The following UNC13C variants were observed in gnomAD, a reference collection of about 807,000 sequenced individuals.
UNC13C encodes protein unc-13 homolog C.
In UNC13C, 174 loss-of-function variants were observed where a neutral mutation model predicts 245.4. The ratio of observed to expected loss-of-function variants is 0.71; its 90% CI spans 0.63 to 0.80. The LOEUF (loss-of-function observed/expected upper bound fraction) is 0.80, where lower values mean the gene tolerates loss of function less well. Ranked by LOEUF, UNC13C falls within the 30% of genes least tolerant of loss-of-function variation. The pLI, the probability that UNC13C is intolerant of heterozygous loss-of-function variation, is 0.00. For missense variants in UNC13C, 2,829 were observed against 2,602.9 expected (o/e 1.09, Z -1.89); for synonymous variants, 992 against 895.1 (o/e 1.11, Z -1.93).
At chr15:53,939,708 A>G in the UNC13C span, among the ~76,000 whole-genome samples, 1 of 152,226 alleles carries the variant, frequency 6.6e-6, no homozygotes, top group African/African-American at 2.4e-5. Context: ...TAGATAATTC[A>G]TCACATAAAC....
chr15:54,018,451 A>T (rs1456188024), intron 2 of UNC13C, among the ~76,000 whole-genome samples: 1 of 152,162 alleles, frequency 6.6e-6, no homozygotes, highest in East Asian at 1.9e-4. Flanking sequence ...GGACCAGAAA[A>T]CTCCAATGTT....
chr15:54,070,134 A>G (rs1186579544), intron 2 of UNC13C, among the ~76,000 whole-genome samples: 1 of 152,236 alleles, frequency 6.6e-6, no homozygotes, highest in African/African-American at 2.4e-5. Flanking sequence ...TCCCACCGGC[A>G]ATGAAGAATC....
chr15:54,591,834 G>T (rs1413851711), intron 30 of UNC13C, among the ~76,000 whole-genome samples: 1 of 151,840 alleles, frequency 6.6e-6, no homozygotes, highest in African/African-American at 2.4e-5. Flanking sequence ...TCTTCTGCTG[G>T]GTTTGGGTTT....
At chr15:54,576,621 C>A (rs1241361373) in intron 30 of UNC13C, among the ~76,000 whole-genome samples, 1 of 152,166 alleles carries the variant, frequency 6.6e-6, no homozygotes, top group Non-Finnish European at 1.5e-5. Flanking sequence ...AAAATACATC[C>A]TGCTTCCAGG....
chr15:54,598,409 T>C (rs1356848307), intron 30 of UNC13C, among the ~76,000 whole-genome samples: 2 of 152,190 alleles, frequency 1.3e-5, no homozygotes, highest in African/African-American at 4.8e-5. Context: ...GGTCCTTTTT[T>C]TAATTCTAAA....
chr15:54,110,940 A>G (rs57786047), intron 2 of UNC13C, among the ~76,000 whole-genome samples: 2,992 of 152,266 alleles, frequency 0.02, 89 homozygotes, highest in African/African-American at 0.069. Flanking sequence ...TTAATGAGAA[A>G]TACTTGTTCA....
chr15:53,991,340 T>C (rs1019758055), intron 1 of UNC13C, among the ~76,000 whole-genome samples: 16 of 152,058 alleles, frequency 1.1e-4, no homozygotes, highest in Middle Eastern at 3.4e-3. Context: ...TCTAAAATTA[T>C]GTGGGTGGGA....
chr15:54,516,483 T>G (rs920230483), intron 24 of UNC13C, among the ~76,000 whole-genome samples: 1 of 152,132 alleles, frequency 6.6e-6, no homozygotes, highest in Non-Finnish European at 1.5e-5. Flanking sequence ...GGACCATGCA[T>G]TGAGAATTAC....
intron 17 of UNC13C, among the ~76,000 whole-genome samples, chr15:54,378,494 C>T (rs920160426): frequency 9.9e-5 from 15 of 151,962 alleles, no homozygotes; most frequent in Non-Finnish European, 1.8e-4. Flanking sequence ...AGGACCTCGT[C>T]AATTACTACA....
intron 2 of UNC13C, among the ~76,000 whole-genome samples, chr15:54,111,260 TA>T (rs1900756923): frequency 6.6e-6 from 1 of 152,220 alleles, no homozygotes; most frequent in African/African-American, 2.4e-5. Flanking sequence ...AATTCTTCTG[TA>T]AACATCAAAT....
At chr15:54,185,082 A>T (rs1213996960) in intron 4 of UNC13C, among the ~76,000 whole-genome samples, 2 of 152,050 alleles carry the variant, frequency 1.3e-5, no homozygotes, top group Non-Finnish European at 2.9e-5. Context: ...AGAAGTGTCC[A>T]TTCATATCCT....
At chr15:54,451,188 G>A (rs751376113) in intron 19 of UNC13C, among the ~76,000 whole-genome samples, 98 of 151,914 alleles carry the variant, frequency 6.5e-4, no homozygotes, top group Non-Finnish European at 1.2e-3. Context: ...TTATTGCAGG[G>A]TCAGTCTAGT....
chr15:54,096,549 C>A (rs112333771), intron 2 of UNC13C, among the ~76,000 whole-genome samples: 1 of 152,068 alleles, frequency 6.6e-6, no homozygotes, highest in South Asian at 2.1e-4. Flanking sequence ...GGATTATGCC[C>A]CATTCTGATA....
intron 30 of UNC13C, among the ~76,000 whole-genome samples, chr15:54,620,130 T>C (rs1000159437): frequency 5.9e-5 from 9 of 152,138 alleles, no homozygotes; most frequent in Non-Finnish European, 1.3e-4. Flanking sequence ...AAAGGAAATA[T>C]GTATTTTGAG....
At chr15:54,295,478 T>G (rs2037403630) in intron 11 of UNC13C, among the ~76,000 whole-genome samples, 1 of 151,828 alleles carries the variant, frequency 6.6e-6, no homozygotes, top group African/African-American at 2.4e-5. Flanking sequence ...GTGAGACCCA[T>G]CTCTACCAAA....
chr15:53,901,584 A>G, the UNC13C span, among the ~76,000 whole-genome samples: 1 of 152,114 alleles, frequency 6.6e-6, no homozygotes, highest in Non-Finnish European at 1.5e-5. Context: ...CTATCTATAG[A>G]CAATTAGGTT....
At chr15:53,977,937 A>C (rs928401475), upstream of UNC13C, among the ~76,000 whole-genome samples, 2 of 152,226 alleles carry the variant, frequency 1.3e-5, no homozygotes, top group South Asian at 4.1e-4. Context: ...AATCACCTTC[A>C]AATGGTTTTC....
intron 18 of UNC13C, among the ~76,000 whole-genome samples, chr15:54,396,119 T>G (rs931356230): frequency 6.6e-6 from 1 of 151,734 alleles, no homozygotes; most frequent in Non-Finnish European, 1.5e-5. Flanking sequence ...TAATTGAATA[T>G]AATAAAATTT....
At chr15:53,841,870 A>C in the UNC13C span, among the ~76,000 whole-genome samples, 1 of 152,208 alleles carries the variant, frequency 6.6e-6, no homozygotes, top group South Asian at 2.1e-4. Flanking sequence ...TGGTGATGTT[A>C]TGACATCAAA....
Sources: allele counts gnomAD v4.1 joint callset (sites outside exome capture counted in the v4.1 genomes callset), GRCh38; gene constraint gnomAD v4.1.1; transcripts MANE v1.5; gene names NCBI Gene and HGNC (gene_info 2026-07-23, HGNC 2026-07-21).